SLC28A3: variants seen among roughly 807,000 people sequenced by gnomAD.
SLC28A3 encodes the protein concentrative Na(+)-nucleoside cotransporter 3.
SLC28A3 carries 68 observed loss-of-function variants against 84.2 expected under a neutral mutation model. The observed-to-expected ratio is 0.81, with a 90% confidence interval of 0.66 to 0.99. The LOEUF is 0.99. SLC28A3 is among the 50% of genes least tolerant of loss of function. The pLI is 0.00. For missense variants in SLC28A3, 712 were observed against 841.5 expected (o/e 0.85, Z 1.90); for synonymous variants, 267 against 303.6 (o/e 0.88, Z 1.25).
At chr9:84,331,310 A>G (rs557454528) in intron 1 of SLC28A3, among the ~76,000 whole-genome samples, 7 of 152,294 alleles carry the variant, frequency 4.6e-5, no homozygotes, top group South Asian at 2.1e-4. Flanking sequence ...AGAGTACTCA[A>G]TGTGATTCAT....
upstream of SLC28A3, among the ~76,000 whole-genome samples, chr9:84,344,204 T>TA (rs1466591881): frequency 6.9e-6 from 1 of 145,972 alleles, no homozygotes; most frequent in Non-Finnish European, 1.5e-5. Flanking sequence ...TTTTTTTTTT[T>TA]GGTCAGACAG....
chr9:84,285,408 T>C lies in SLC28A3; in HGVS notation c.1584A>G (p.Lys528=). 6.2e-7 allele frequency: 1 copy of C among 1,614,134 alleles called. No homozygotes were observed. The highest frequency in any genetic ancestry group is 8.5e-7 in the Non-Finnish European group (1 of 1,180,004). ...CACCTTCTTTCCTCAAGTGGATCCATTTTGAGAGGTGCTCATAAGCCACAA... is the reference window on the plus strand; with the variant it reads ...CACCTTCTTTCCTCAAGTGGATCCACTTTGAGAGGTGCTCATAAGCCACAA... ...NEFVAYEHLS[K]WIHLRKEGGP... Residue 528 remains lysine (K), a synonymous_variant, in exon 14 of 18, where the codon AAA becomes AAG. Transcript: ENST00000376238.
chr9:84,348,871 A>G, the SLC28A3 span, among the ~76,000 whole-genome samples: 1 of 151,276 alleles, frequency 6.6e-6, no homozygotes, highest in East Asian at 1.9e-4. Flanking sequence ...ATGCTCTTGG[A>G]CTTCCCAGTC....
intron 3 of SLC28A3, among the ~76,000 whole-genome samples, chr9:84,306,365 C>G (rs1256002726): frequency 6.6e-6 from 1 of 152,228 alleles, no homozygotes; most frequent in Non-Finnish European, 1.5e-5. Context: ...AACAGTCTCG[C>G]CTGCACCTCC....
intron 3 of SLC28A3, 21 bp from the exon 4 acceptor site, chr9:84,305,366 G>A (rs776572121): frequency 6.2e-7 from 1 of 1,601,678 alleles, no homozygotes; most frequent in Non-Finnish European, 8.5e-7. Context: ...AAAGCAAAAA[G>A]GCAGGGAGAA....
chr9:84,355,511 T>G, the SLC28A3 span, among the ~76,000 whole-genome samples: 1 of 152,198 alleles, frequency 6.6e-6, no homozygotes, highest in Non-Finnish European at 1.5e-5. Context: ...CCAGATATCA[T>G]GAACTTCTGA....
chr9:84,284,500 G>T (rs1421211878), intron 14 of SLC28A3, among the ~76,000 whole-genome samples: 1 of 152,260 alleles, frequency 6.6e-6, no homozygotes, highest in Middle Eastern at 3.4e-3. Flanking sequence ...TAGGCAGGCT[G>T]CTTTTCCTCC....
chr9:84,314,330 G>A (rs777825211), intron 1 of SLC28A3, among the ~76,000 whole-genome samples: 6 of 152,084 alleles, frequency 3.9e-5, no homozygotes, highest in Non-Finnish European at 7.4e-5. Context: ...CACTGGACCT[G>A]TCTCCTGTCT....
intron 1 of SLC28A3, among the ~76,000 whole-genome samples, chr9:84,339,383 G>C (rs1343270734): frequency 6.6e-6 from 1 of 152,048 alleles, no homozygotes; most frequent in Non-Finnish European, 1.5e-5. Context: ...CCGAGTAGCT[G>C]GGACTACAGG....
chr9:84,292,784 T>G lies in SLC28A3; in HGVS notation c.943-36A>C, dbSNP rs11568415. On this transcript the variant is annotated intron_variant, in intron 9 of 17. Transcript: ENST00000376238. ...GAAAGGGACAAAGTCAGCAAAGAAC[T>G]TTTTGTATACCCAAAACTTCAAAGT... 2.2e-3 allele frequency: 3,258 copies of G among 1,462,300 alleles called. 64 individuals are homozygous for G. The African/African-American group carries it at 0.042, about 19-fold the overall frequency. The allele number at this position is 1,462,300 out of a possible 1,614,324, so 90.6% of individuals were successfully genotyped here. A position where few individuals can be genotyped will look rare whatever the true frequency, so the allele number is the denominator to read the frequency against.
intron 1 of SLC28A3, among the ~76,000 whole-genome samples, chr9:84,336,223 C>T (rs1012966115): frequency 5.9e-5 from 9 of 152,094 alleles, no homozygotes; most frequent in Admixed American, 1.3e-4. Context: ...AGAATTAGGT[C>T]GGGCACGGTG....
intron 1 of SLC28A3, among the ~76,000 whole-genome samples, chr9:84,318,800 C>T (rs926500823): frequency 3.3e-5 from 5 of 150,960 alleles, no homozygotes; most frequent in Admixed American, 2.0e-4. Flanking sequence ...ATCTGGGAGG[C>T]GGAGGTTGCA....
intron 14 of SLC28A3, among the ~76,000 whole-genome samples, chr9:84,284,909 A>G (rs1476090437): frequency 6.6e-6 from 1 of 152,242 alleles, no homozygotes; most frequent in Non-Finnish European, 1.5e-5. Flanking sequence ...CACAGAATCC[A>G]TTAAGTTCAA....
At chr9:84,316,414 C>T (rs763503768) in intron 1 of SLC28A3, among the ~76,000 whole-genome samples, 4 of 152,156 alleles carry the variant, frequency 2.6e-5, no homozygotes, top group African/African-American at 4.8e-5. Flanking sequence ...GGGAATGTTC[C>T]GCCAGGGATG....
intron 15 of SLC28A3, 90 bp from the exon 16 acceptor site, chr9:84,280,163 A>T (rs1824688316): frequency 1.7e-6 from 2 of 1,190,092 alleles, no homozygotes; most frequent in South Asian, 3.1e-5. Flanking sequence ...GGCTGGGCTC[A>T]GGTCAGCTGA....
Position 84,297,300 on chromosome 9 carries a change from T to C in SLC28A3, c.784-2A>G, listed in dbSNP as rs1456464425. 6.2e-7 allele frequency: 1 copy of C among 1,609,952 alleles called. No homozygotes were observed. Among genetic ancestry groups the C allele is most frequent in the Admixed American group, 1.7e-5 (1 of 59,394 alleles). ...AGCATCTGTGTACTCCAGAAAAGTC[T>C]GAGTTAAAGAAAGAAAAAGAGATTT... On this transcript the variant is annotated splice_acceptor_variant, in intron 7 of 17. Coordinates refer to ENST00000376238, the MANE Select transcript of SLC28A3 (RefSeq NM_001199633.2). LOFTEE classifies it high-confidence loss of function.
chr9:84,348,549 GGA>G, the SLC28A3 span, among the ~76,000 whole-genome samples: 24 of 152,288 alleles, frequency 1.6e-4, no homozygotes, highest in South Asian at 4.1e-4. Context: ...GGTGCCACAA[GGA>G]GAGTGTCTAG....
intron 1 of SLC28A3, among the ~76,000 whole-genome samples, chr9:84,337,730 G>C (rs1160280860): frequency 6.6e-6 from 1 of 151,814 alleles, no homozygotes; most frequent in Non-Finnish European, 1.5e-5. Context: ...TCCATCCTCA[G>C]CCATATGAGA....
the SLC28A3 span, among the ~76,000 whole-genome samples, chr9:84,355,231 C>T: frequency 1.3e-5 from 2 of 152,002 alleles, no homozygotes; most frequent in Non-Finnish European, 2.9e-5. Flanking sequence ...TCTCCTGAGG[C>T]CAGGAGTTGG....
Sources: allele counts gnomAD v4.1 joint callset (sites outside exome capture counted in the v4.1 genomes callset), GRCh38; gene constraint gnomAD v4.1.1; transcripts MANE v1.5; gene names NCBI Gene and HGNC (gene_info 2026-07-23, HGNC 2026-07-21).